The following ZDHHC15 variants were observed in gnomAD, a reference collection of about 807,000 sequenced individuals.
ZDHHC15 encodes zDHHC palmitoyltransferase 15, also known as palmitoyltransferase ZDHHC15.
A neutral mutation model predicts 31.7 loss-of-function variants in ZDHHC15; 19 were observed. The ratio of observed to expected loss-of-function variants is 0.60; its 90% CI spans 0.42 to 0.88. ZDHHC15 has a LOEUF of 0.88. Among genes scored for constraint, ZDHHC15 ranks in the 40% least tolerant of loss-of-function variants. The pLI, the probability that ZDHHC15 is intolerant of heterozygous loss-of-function variation, is 0.00. For synonymous variants in ZDHHC15, 103 were observed against 90.0 expected (o/e 1.14, Z -0.82); for missense variants, 209 against 251.2 (o/e 0.83, Z 1.14).
At chrX:75,421,382 G>A (rs1176357015) in intron 9 of ZDHHC15, among the ~76,000 whole-genome samples, 1 of 3,685 alleles carries the variant, frequency 2.7e-4, no homozygotes, top group Admixed American at 2.8e-3. Context: ...CATCCAGTAT[G>A]TGTGTATATA....
intron 3 of ZDHHC15, among the ~76,000 whole-genome samples, chrX:75,467,763 A>T (rs1353522019): frequency 8.9e-6 from 1 of 112,085 alleles, no homozygotes; most frequent in Non-Finnish European, 1.9e-5. Context: ...CACATAACAT[A>T]AATTCCATTT....
intron 3 of ZDHHC15, among the ~76,000 whole-genome samples, chrX:75,470,943 G>A (rs1271146916): frequency 8.9e-6 from 1 of 111,828 alleles, no homozygotes; most frequent in Non-Finnish European, 1.9e-5. Flanking sequence ...CACCATCACA[G>A]ACTTGACAGA....
intron 2 of ZDHHC15, among the ~76,000 whole-genome samples, chrX:75,491,777 A>G (rs1485023411): frequency 9.0e-6 from 1 of 111,085 alleles, no homozygotes; most frequent in African/African-American, 3.3e-5. Flanking sequence ...GCCCTAAAAG[A>G]GCTCCTGAAG....
intron 2 of ZDHHC15, among the ~76,000 whole-genome samples, chrX:75,497,606 A>G (rs2085021682): frequency 1.8e-5 from 2 of 111,952 alleles, no homozygotes; most frequent in South Asian, 7.4e-4. Flanking sequence ...CGAATCCAAT[A>G]GCATATCAAA....
chrX:75,509,982 T>A (rs781646274), intron 1 of ZDHHC15, among the ~76,000 whole-genome samples: 2 of 111,763 alleles, frequency 1.8e-5, no homozygotes, highest in East Asian at 5.6e-4. Flanking sequence ...TTCTCTTAGA[T>A]GTTTCTTAGA....
At position 75,515,446 on chromosome X, in the gene ZDHHC15, C is replaced by T. The variant is rs954014424; in HGVS notation, c.136+7443G>A. Reference sequence around the variant, plus strand: ...GGTTCAACATATGCAAATCAATAAACGTAGTCCATCATATAAACAGAACCA... The same window carrying T: ...GGTTCAACATATGCAAATCAATAAATGTAGTCCATCATATAAACAGAACCA... On this transcript the variant is annotated intron_variant, in intron 1 of 11. Transcript: ENST00000373367. Among the ~76,000 whole-genome samples the T allele has an allele frequency of 2.1e-4, 23 of 111,258 alleles. No homozygotes were observed. The Middle Eastern group carries it at 0.018, about 89-fold the overall frequency.
At chrX:75,511,690 C>A (rs2085276529) in intron 1 of ZDHHC15, among the ~76,000 whole-genome samples, 1 of 104,929 alleles carries the variant, frequency 9.5e-6, no homozygotes, top group African/African-American at 3.5e-5. Flanking sequence ...GGATTCACAG[C>A]CGAATTCTAC....
At chrX:75,503,124 T>A (rs2148042499) in intron 2 of ZDHHC15, among the ~76,000 whole-genome samples, 1 of 110,045 alleles carries the variant, frequency 9.1e-6, no homozygotes, top group East Asian at 2.9e-4. Flanking sequence ...ATACACCTAC[T>A]ATCTATCCAA....
chrX:75,435,197 G>A (rs1025149612), intron 4 of ZDHHC15, among the ~76,000 whole-genome samples: 1 of 111,827 alleles, frequency 8.9e-6, no homozygotes, highest in Non-Finnish European at 1.9e-5. Flanking sequence ...ATTTTGTAAC[G>A]TGAAATTTTA....
At chrX:75,441,955 G>C (rs1047588492) in intron 4 of ZDHHC15, among the ~76,000 whole-genome samples, 3 of 111,211 alleles carry the variant, frequency 2.7e-5, no homozygotes, top group Admixed American at 9.6e-5. Context: ...AAAAGTTCAT[G>C]GTGTGAGTCT....
chrX:75,420,159 C>G lies in ZDHHC15; in HGVS notation c.863+1705G>C, dbSNP rs937924712. 4.5e-5 allele frequency among the ~76,000 whole-genome samples: 5 copies of G among 111,138 alleles called. No homozygotes were observed. The East Asian group carries it at 1.4e-3, about 31-fold the overall frequency. ...AGTGGGCAAAGGATATGAACAGACACTTCCCAAAATAAGACATTTATGTGG... is the reference window on the plus strand; with the variant it reads ...AGTGGGCAAAGGATATGAACAGACAGTTCCCAAAATAAGACATTTATGTGG... On this transcript the variant is annotated intron_variant, in intron 9 of 11. Coordinates refer to ENST00000373367, the MANE Select transcript of ZDHHC15 (RefSeq NM_144969.3).
At position 75,417,733 on chromosome X, in the gene ZDHHC15, T is replaced by TG. The variant is rs748015465; in HGVS notation, c.864-544dup. Among the ~76,000 whole-genome samples, 6 of 111,769 alleles carry TG rather than the reference T, an allele frequency of 5.4e-5. No individual in the cohort carries two copies. The East Asian group carries it at 8.5e-4, about 16-fold the overall frequency. On this transcript the variant is annotated intron_variant, in intron 9 of 11. Coordinates refer to ENST00000373367, the MANE Select transcript of ZDHHC15 (RefSeq NM_144969.3). ...GATTTTCAGGGCAATTATCCACATG[T>TG]GGGGTCTCGCTTTGTGGCTACCTGT...
intron 11 of ZDHHC15, among the ~76,000 whole-genome samples, chrX:75,376,810 C>A (rs2083064615): frequency 9.0e-6 from 1 of 111,413 alleles, no homozygotes; most frequent in Non-Finnish European, 1.9e-5. Context: ...TTTGTCTTTT[C>A]ATTTTGAAGA....
chrX:75,491,117 C>T (rs1210011261), intron 2 of ZDHHC15, among the ~76,000 whole-genome samples: 1 of 111,178 alleles, frequency 9.0e-6, no homozygotes, highest in African/African-American at 3.3e-5. Flanking sequence ...CCAGCCATCC[C>T]ATTACTGGGT....
At chrX:75,498,317 GA>G (rs769947427) in intron 2 of ZDHHC15, among the ~76,000 whole-genome samples, 4 of 110,276 alleles carry the variant, frequency 3.6e-5, no homozygotes, top group African/African-American at 1.3e-4. Context: ...GGTAAAGAGA[GA>G]AAAAAAATCC....
intron 2 of ZDHHC15, among the ~76,000 whole-genome samples, chrX:75,497,288 G>T (rs1488545239): frequency 2.7e-5 from 3 of 111,428 alleles, no homozygotes; most frequent in Non-Finnish European, 3.8e-5. Flanking sequence ...AAACCAGGAA[G>T]AAACAGAATC....
At chrX:75,520,446 T>G (rs936680199) in intron 1 of ZDHHC15, among the ~76,000 whole-genome samples, 3 of 111,933 alleles carry the variant, frequency 2.7e-5, no homozygotes, top group African/African-American at 9.7e-5. Flanking sequence ...AGTTAATCTA[T>G]CTACAGAACT....
At chrX:75,429,014 A>G in intron 7 of ZDHHC15, 64 bp downstream of exon 7, 1 of 1,174,682 alleles carries the variant, frequency 8.5e-7, no homozygotes, top group Non-Finnish European at 1.1e-6. Flanking sequence ...AGGGTGAACA[A>G]TGTCACAAGT....
chrX:75,384,945 G>A, intron 10 of ZDHHC15: 2 of 435,903 alleles, frequency 4.6e-6, no homozygotes, highest in East Asian at 7.7e-5. Flanking sequence ...CAATATGCAT[G>A]GAAATACATA....
Sources: allele counts gnomAD v4.1 joint callset (sites outside exome capture counted in the v4.1 genomes callset), GRCh38; gene constraint gnomAD v4.1.1; transcripts MANE v1.5; gene names NCBI Gene and HGNC (gene_info 2026-07-23, HGNC 2026-07-21).